The following TNFRSF14 variants were observed in gnomAD, a reference collection of about 807,000 sequenced individuals.
TNFRSF14 encodes TNF receptor superfamily member 14.
A neutral mutation model predicts 34.1 loss-of-function variants in TNFRSF14; 18 were observed. That is an observed-to-expected ratio of 0.53 (90% CI 0.36 to 0.78). The LOEUF (loss-of-function observed/expected upper bound fraction) is 0.78, where lower values mean the gene tolerates loss of function less well. Ranked by LOEUF, TNFRSF14 falls within the 30% of genes least tolerant of loss-of-function variation. The probability of loss-of-function intolerance (pLI) is 0.00; values close to 1 mark genes in which losing one functional copy is unlikely to be tolerated. For missense variants in TNFRSF14, 352 were observed against 379.5 expected, an observed-to-expected ratio of 0.93 and a Z score of 0.60; for synonymous variants, 157 against 153.2, an observed-to-expected ratio of 1.02 and a Z score of -0.18.
chr1:2,563,330 G>A lies in TNFRSF14; in HGVS notation c.*57G>A. Reference sequence around the variant, plus strand: ...ACCTGGAGCGACGGCTGCTGAAAGAGGCTGTCCACCTGGCGGAACCACCGG... The same window carrying A: ...ACCTGGAGCGACGGCTGCTGAAAGAAGCTGTCCACCTGGCGGAACCACCGG... On this transcript the variant is annotated 3_prime_UTR_variant, in exon 8 of 8. Transcript: ENST00000355716. 7 of 1,599,744 alleles carry A rather than the reference G, an allele frequency of 4.4e-6. No individual in the cohort carries two copies. The South Asian group carries it at 7.7e-5, about 18-fold the overall frequency.
At chr1:2,556,913 G>C in intron 1 of TNFRSF14, 180 bp downstream of exon 1, 1 of 611,220 alleles carries the variant, frequency 1.6e-6, no homozygotes, top group Non-Finnish European at 2.8e-6. Flanking sequence ...TCACCACAGT[G>C]GGGTGAGCAG....
intron 6 of TNFRSF14, chr1:2,562,133 A>G (rs1270244061): frequency 7.1e-6 from 3 of 424,022 alleles, no homozygotes; most frequent in Non-Finnish European, 1.3e-5. Flanking sequence ...CTCAGCTGGG[A>G]GAAGCTCTGG....
At position 2,561,803 on chromosome 1, in the gene TNFRSF14, A is replaced by G. The variant is rs1241250921; in HGVS notation, c.682A>G (p.Arg228Gly). 6.2e-7 allele frequency: 1 copy of G among 1,613,776 alleles called. No homozygotes were observed. Among genetic ancestry groups the G allele is most frequent in the Non-Finnish European group, 8.5e-7 (1 of 1,179,954 alleles). Residue 228 changes from arginine to glycine, a missense_variant, in exon 6 of 8, where the codon AGA (arginine) becomes GGA (glycine). By Grantham distance (125) the Arg-to-Gly change is moderately radical. Transcript: ENST00000355716. This position sits in a 1 kb window ranked among gnomAD's most constrained non-coding sequence, Gnocchi z 6.0. ...TGGCCTAATCATATGTGTGAAAAGAAGAAAGCCAAGGGGTGAGCACACGGC... is the reference window on the plus strand; with the variant it reads ...TGGCCTAATCATATGTGTGAAAAGAGGAAAGCCAAGGGGTGAGCACACGGC... ...TVGLIICVKR[R>G]KPRGDVVKVI...
chr1:2,558,937 C>T, intron 3 of TNFRSF14: 1 of 1,365,558 alleles, frequency 7.3e-7, no homozygotes, highest in Non-Finnish European at 9.7e-7. Flanking sequence ...TGGTGCCCAC[C>T]TGAGTCCAGG....
Position 2,558,495 on chromosome 1 carries a change from C to G in TNFRSF14, c.304+27C>G, listed in dbSNP as rs753845794. 8.7e-6 allele frequency: 14 copies of G among 1,611,512 alleles called. No homozygotes were observed. In the East Asian group the frequency reaches 2.9e-4, roughly 33 times the overall value. On this transcript the variant is annotated intron_variant, in intron 3 of 7. Transcript: ENST00000355716. ...TAAGAGGCCAGCACAGCCGGCCCAGCCTCCGCTTGGGCAGCCTGGATGCCC... is the reference window on the plus strand; with the variant it reads ...TAAGAGGCCAGCACAGCCGGCCCAGGCTCCGCTTGGGCAGCCTGGATGCCC...
rs772653663 is a variant in TNFRSF14 at position 2,558,990 on chromosome 1, A to G, written c.304+522A>G. On this transcript the variant is annotated intron_variant, in intron 3 of 7. Transcript: ENST00000355716. ...CAGACCCAGAGGTGGCCTTTGAGTC[A>G]CTGAGCGCAGAGCCTGTCCATGCGG... The G allele has an allele frequency of 1.2e-4, 163 of 1,366,706 alleles. 1 individual carries two copies. Among genetic ancestry groups the G allele is most frequent in the South Asian group, 2.6e-4 (21 of 81,702 alleles). 84.7% of individuals were successfully genotyped at this position (1,366,706 alleles called of 1,614,324 possible).
upstream of TNFRSF14, chr1:2,556,332 C>A (rs905214954): frequency 4.9e-6 from 3 of 610,092 alleles, no homozygotes; most frequent in South Asian, 3.0e-5. Context: ...TGGAATGGTG[C>A]AGGGGGAGAA....
At chr1:2,560,738 A>G (rs551694683) in intron 5 of TNFRSF14, 24 bp downstream of exon 5, 1 of 1,606,098 alleles carries the variant, frequency 6.2e-7, no homozygotes, top group South Asian at 1.1e-5. Flanking sequence ...GGGGAGGCCC[A>G]GCTCTGTGCC....
Position 2,563,638 on chromosome 1 carries a change from A to C in TNFRSF14, c.*365A>C, listed in dbSNP as rs879426471. ...CGCGTCTGACTCTTGTGGCCTCAGC[A>C]GGACAGGCCCCGGGCACTGCCTCAC... is the stretch of plus-strand genomic sequence containing the variant. On this transcript the variant is annotated 3_prime_UTR_variant, in exon 8 of 8. Coordinates refer to ENST00000355716, the MANE Select transcript of TNFRSF14 (RefSeq NM_003820.4). 3.4e-6 allele frequency: 1 copy of C among 296,630 alleles called. No individual in the cohort carries two copies. Among genetic ancestry groups the C allele is most frequent in the African/African-American group, 2.1e-5 (1 of 47,656 alleles). 18.4% of individuals were successfully genotyped at this position (296,630 alleles called of 1,614,324 possible). A position where few individuals can be genotyped will look rare whatever the true frequency, so the allele number is the denominator to read the frequency against.
At position 2,563,505 on chromosome 1, in the gene TNFRSF14, T is replaced by C. The variant is rs1570595679; in HGVS notation, c.*232T>C. On this transcript the variant is annotated 3_prime_UTR_variant, in exon 8 of 8. Transcript: ENST00000355716. ...CTGGGGCCTCTGTTCTGCTGTGGCC[T>C]GAGCTCCCCAGAGTCCTGAGGAGGA... The C allele has an allele frequency of 3.3e-6, 2 of 602,704 alleles. No homozygotes were observed. The highest frequency in any genetic ancestry group is 5.6e-6 in the Non-Finnish European group (2 of 359,428). 37.3% of individuals were successfully genotyped at this position (602,704 alleles called of 1,614,324 possible).
At chr1:2,557,893 C>A in intron 2 of TNFRSF14, 59 bp downstream of exon 2, 2 of 1,394,060 alleles carry the variant, frequency 1.4e-6, no homozygotes, top group East Asian at 2.5e-5. Context: ...CTCTTGCCCC[C>A]TTCTGCCCCA....
At position 2,556,471 on chromosome 1, in the gene TNFRSF14, C is replaced by T. The variant is rs749841416; in HGVS notation, c.-194C>T. 1.8e-5 allele frequency: 13 copies of T among 712,774 alleles called. No homozygotes were observed. The highest frequency in any genetic ancestry group is 1.0e-4 in the South Asian group (7 of 66,996). The allele number at this position is 712,774 out of a possible 1,614,324, so 44.2% of individuals were successfully genotyped here. ...CTCCACCCAGCAGGCCTGAGCCCCT[C>T]TCTGCTGCCAGACACCCCCTGCTGC... On this transcript the variant is annotated 5_prime_UTR_variant, in exon 1 of 8. Transcript: ENST00000355716.
Position 2,556,635 on chromosome 1 carries a change from G to A in TNFRSF14, c.-30G>A. The A allele has an allele frequency of 6.2e-7, 1 of 1,605,040 alleles. No homozygotes were observed. Among genetic ancestry groups the A allele is most frequent in the Admixed American group, 1.7e-5 (1 of 58,866 alleles). On this transcript the variant is annotated 5_prime_UTR_variant, in exon 1 of 8. Transcript: ENST00000355716. Reference sequence around the variant, plus strand: ...TGCTGGAGTTCATCCTGCTAGCTGGGTTCCCGAGCTGCCGGTCTGAGCCTG... The same window carrying A: ...TGCTGGAGTTCATCCTGCTAGCTGGATTCCCGAGCTGCCGGTCTGAGCCTG...
chr1:2,555,254 G>A (rs1644197363), upstream of TNFRSF14: 1 of 152,424 alleles, frequency 6.6e-6, no homozygotes, highest in Non-Finnish European at 1.5e-5. This position sits in a 1 kb window ranked among gnomAD's most constrained non-coding sequence, Gnocchi z 6.3. Context: ...GGGACGCTTG[G>A]CCCCACAGGA....
At chr1:2,557,662 C>A (rs905794867) in intron 1 of TNFRSF14, 64 bp from the exon 2 acceptor site, 2 of 1,302,456 alleles carry the variant, frequency 1.5e-6, no homozygotes, top group African/African-American at 1.5e-5. Context: ...GGCTGTGGGG[C>A]CAAGCCTGGC....
chr1:2,560,612 C>T lies in TNFRSF14; in HGVS notation c.461-12C>T. ...TGCCCTCAGCCCCCTCTGTCCGTCC[C>T]TCTCTTCTCAGGCACCGAGAGTCAG... On this transcript the variant is annotated splice_polypyrimidine_tract_variant and intron_variant, in intron 4 of 7. Transcript: ENST00000355716. 1.2e-6 allele frequency: 2 copies of T among 1,611,432 alleles called. No homozygotes were observed. The highest frequency in any genetic ancestry group is 1.7e-6 in the Non-Finnish European group (2 of 1,178,744).
rs1644305431 is a variant in TNFRSF14 at position 2,561,350 on chromosome 1, C to T, written c.552-323C>T. On this transcript the variant is annotated intron_variant, in intron 5 of 7. Coordinates refer to ENST00000355716, the MANE Select transcript of TNFRSF14 (RefSeq NM_003820.4). This position sits in a 1 kb window ranked among gnomAD's most constrained non-coding sequence, Gnocchi z 6.0. ...CTCTCCCTCTACCTTCTGTCCTTGT[C>T]TGCCACTGGTCTCCCGTGCTCTGGG... is the stretch of plus-strand genomic sequence containing the variant. 9.4e-6 allele frequency: 7 copies of T among 742,710 alleles called. No individual in the cohort carries two copies. Among genetic ancestry groups the T allele is most frequent in the Non-Finnish European group, 1.3e-5 (6 of 459,776 alleles). 46.0% of individuals were successfully genotyped at this position (742,710 alleles called of 1,614,324 possible).
rs1644291861 is a variant in TNFRSF14, at chr1:2,560,489, C to A, written c.461-135C>A. The A allele has an allele frequency of 6.3e-6, 4 of 639,258 alleles. No homozygotes were observed. The South Asian group carries it at 7.7e-5, about 12-fold the overall frequency. 39.6% of individuals were successfully genotyped at this position (639,258 alleles called of 1,614,324 possible). On this transcript the variant is annotated intron_variant, in intron 4 of 7. Transcript: ENST00000355716. ...ACCTCCAAGACTCTGGACAGGGAGC[C>A]TGCCCCTCCCCGCTGGTCCTCCCAT... is the stretch of plus-strand genomic sequence containing the variant.
chr1:2,559,419 A>C, intron 3 of TNFRSF14: 1 of 1,378,580 alleles, frequency 7.3e-7, no homozygotes, highest in Non-Finnish European at 9.6e-7. Flanking sequence ...TGCCTCTGCC[A>C]TTGGAATGGC....
Sources: allele counts gnomAD v4.1 joint callset, GRCh38; gene constraint gnomAD v4.1.1; non-coding constraint Gnocchi (gnomAD v3.1); transcripts MANE v1.5; gene names NCBI Gene and HGNC (gene_info 2026-07-23, HGNC 2026-07-21).